Variants in PHF21B observed in about 807,000 individuals in gnomAD.
The protein encoded by PHF21B is PHD finger protein 4.
In PHF21B, 22 loss-of-function variants were observed where a neutral mutation model predicts 62.2. That is an observed-to-expected ratio of 0.35 (90% CI 0.25 to 0.51). The LOEUF is 0.51. Among genes scored for constraint, PHF21B ranks in the 20% least tolerant of loss-of-function variants. PHF21B has a pLI of 0.97. For missense variants in PHF21B, 701 were observed against 707.9 expected (o/e 0.99, Z 0.11); for synonymous variants, 341 against 314.7 (o/e 1.08, Z -0.88).
intron 2 of PHF21B, among the ~76,000 whole-genome samples, chr22:44,963,478 T>C (rs1004727149): frequency 1.3e-5 from 2 of 152,202 alleles, no homozygotes; most frequent in Non-Finnish European, 1.5e-5. Context: ...AGCCCTAAGA[T>C]GACGTGACCC....
chr22:44,887,354 T>C lies in PHF21B; in HGVS notation c.1197+609A>G, dbSNP rs192015543. On this transcript the variant is annotated intron_variant, in intron 10 of 12. Transcript: ENST00000313237. ...TCAGATGGCTGATTCCCAAACTATA[T>C]AGCAGCTGTAAAGCCTGTTTTTTAT... Among the ~76,000 whole-genome samples, 380 of 152,248 alleles carry C rather than the reference T, an allele frequency of 2.5e-3. 2 individuals are homozygous for C. Among genetic ancestry groups the C allele is most frequent in the African/African-American group, 8.8e-3 (367 of 41,542 alleles).
At chr22:44,996,228 C>T (rs1010258603) in intron 2 of PHF21B, among the ~76,000 whole-genome samples, 2 of 152,100 alleles carry the variant, frequency 1.3e-5, no homozygotes, top group South Asian at 2.1e-4. Flanking sequence ...CCATCCCTGC[C>T]GAGGCTGGGA....
At chr22:44,887,835 T>C (rs1014074438) in intron 10 of PHF21B, 128 bp downstream of exon 10, 3 of 978,320 alleles carry the variant, frequency 3.1e-6, no homozygotes, top group Middle Eastern at 3.6e-4. Context: ...CAAATGTCAA[T>C]TGTGCTGAGG....
chr22:44,971,810 G>A (rs116646749), intron 2 of PHF21B, among the ~76,000 whole-genome samples: 3,062 of 152,320 alleles, frequency 0.02, 96 homozygotes, highest in African/African-American at 0.069. Context: ...CACTTGCTGC[G>A]TCTGTCTCCC....
intron 2 of PHF21B, among the ~76,000 whole-genome samples, chr22:44,989,927 C>T (rs749918588): frequency 2.6e-5 from 4 of 152,166 alleles, no homozygotes; most frequent in Non-Finnish European, 4.4e-5. Context: ...ACATTTTTAA[C>T]GTCCACGTGT....
chr22:44,958,294 T>C (rs559017936), intron 2 of PHF21B, among the ~76,000 whole-genome samples: 3 of 152,298 alleles, frequency 2.0e-5, no homozygotes, highest in African/African-American at 7.2e-5. Context: ...AGTGAGGGTC[T>C]AGTCGGGGTC....
At chr22:44,976,124 T>G (rs1035292964) in intron 2 of PHF21B, among the ~76,000 whole-genome samples, 1 of 152,220 alleles carries the variant, frequency 6.6e-6, no homozygotes, top group Non-Finnish European at 1.5e-5. Context: ...TGGGTCATGA[T>G]TGCGCCACTG....
At chr22:44,945,124 T>C (rs1445765776) in intron 2 of PHF21B, among the ~76,000 whole-genome samples, 1 of 152,176 alleles carries the variant, frequency 6.6e-6, no homozygotes, top group Admixed American at 6.5e-5. Context: ...GCTTCTCAGG[T>C]TACCATGGCA....
At chr22:44,938,284 A>T (rs2071888692) in intron 2 of PHF21B, among the ~76,000 whole-genome samples, 1 of 152,084 alleles carries the variant, frequency 6.6e-6, no homozygotes, top group African/African-American at 2.4e-5. Flanking sequence ...CCCAGGCTGG[A>T]GTGCAGTGGC....
chr22:44,984,398 C>T (rs940806613), intron 2 of PHF21B, among the ~76,000 whole-genome samples: 18 of 152,068 alleles, frequency 1.2e-4, no homozygotes, highest in African/African-American at 4.3e-4. Context: ...TACCCAGAGC[C>T]TTGGTTCTCA....
intron 2 of PHF21B, among the ~76,000 whole-genome samples, chr22:44,962,060 C>T (rs1433769077): frequency 6.6e-6 from 1 of 151,772 alleles, no homozygotes; most frequent in East Asian, 1.9e-4. Context: ...GTGAGTAATG[C>T]TGAGATGTAC....
intron 2 of PHF21B, among the ~76,000 whole-genome samples, chr22:44,975,108 T>G (rs780513005): frequency 7.2e-5 from 11 of 152,142 alleles, no homozygotes; most frequent in Non-Finnish European, 1.3e-4. Flanking sequence ...ATCTGCACCC[T>G]TGGCTGAGGG....
intron 2 of PHF21B, among the ~76,000 whole-genome samples, chr22:44,979,043 C>A (rs988587445): frequency 6.6e-6 from 1 of 152,378 alleles, no homozygotes; most frequent in Admixed American, 6.5e-5. Context: ...GAAAACATTT[C>A]TTCCAGCTTT....
intron 5 of PHF21B, among the ~76,000 whole-genome samples, chr22:44,898,083 C>A (rs2071091067): frequency 6.6e-6 from 1 of 152,172 alleles, no homozygotes; most frequent in African/African-American, 2.4e-5. Flanking sequence ...CACTGGGATA[C>A]AGGTGTGAGC....
chr22:45,008,518 A>AGGG, intron 2 of PHF21B, 27 bp downstream of exon 2: 1 of 1,536,436 alleles, frequency 6.5e-7, no homozygotes, highest in South Asian at 1.2e-5. Flanking sequence ...GCCCCATCCC[A>AGGG]GGGGGGGCCG....
rs559022577 is a variant in PHF21B at position 44,982,554 on chromosome 22, A to T, written c.120+25991T>A. Among the ~76,000 whole-genome samples, 159 of 152,276 alleles carry T rather than the reference A, an allele frequency of 1.0e-3. 2 individuals are homozygous for T. The highest frequency in any genetic ancestry group is 3.8e-3 in the African/African-American group (158 of 41,558). On this transcript the variant is annotated intron_variant, in intron 2 of 12. Coordinates refer to ENST00000313237, the MANE Select transcript of PHF21B (RefSeq NM_138415.5). ...CAGGCCCAAGTGCTCGGCGGGTCCTAAGCAAACTCCCCCATGGGCTCACAT... is the reference window on the plus strand; with the variant it reads ...CAGGCCCAAGTGCTCGGCGGGTCCTTAGCAAACTCCCCCATGGGCTCACAT...
At chr22:44,903,080 T>C (rs1404082541) in intron 5 of PHF21B, among the ~76,000 whole-genome samples, 1 of 152,222 alleles carries the variant, frequency 6.6e-6, no homozygotes, top group Non-Finnish European at 1.5e-5. Flanking sequence ...GCCTTACAGA[T>C]TGCAGGTGCA....
chr22:45,006,754 A>G (rs1237443644), intron 2 of PHF21B, among the ~76,000 whole-genome samples: 1 of 152,056 alleles, frequency 6.6e-6, no homozygotes, highest in Non-Finnish European at 1.5e-5. Context: ...CTCTCTTTTA[A>G]ATCTTCTAGG....
At chr22:44,935,999 T>C (rs1038713046) in intron 2 of PHF21B, among the ~76,000 whole-genome samples, 2 of 152,214 alleles carry the variant, frequency 1.3e-5, no homozygotes, top group Non-Finnish European at 2.9e-5. Context: ...GGGGTATTTT[T>C]AGAAGGAACA....
Sources: allele counts gnomAD v4.1 joint callset (sites outside exome capture counted in the v4.1 genomes callset), GRCh38; gene constraint gnomAD v4.1.1; transcripts MANE v1.5; gene names NCBI Gene and HGNC (gene_info 2026-07-23, HGNC 2026-07-21).